The following ABL1 variants were observed in gnomAD, a reference collection of about 807,000 sequenced individuals.
The protein encoded by ABL1 is tyrosine-protein kinase ABL1.
ABL1 carries 11 observed loss-of-function variants against 94.7 expected under a neutral mutation model. The observed-to-expected ratio is 0.12, with a 90% CI of 0.07 to 0.19. ABL1 has a LOEUF of 0.19. Among genes scored for constraint, ABL1 ranks in the 10% least tolerant of loss-of-function variants. ABL1 has a pLI of 1.00. For synonymous variants in ABL1, 656 were observed against 622.4 expected, an observed-to-expected ratio of 1.05 and a Z score of -0.80; for missense variants, 1,082 against 1,489.4, an observed-to-expected ratio of 0.73 and a Z score of 4.50.
At chr9:130,815,092 G>C (rs1310496611) in intron 1 of ABL1, among the ~76,000 whole-genome samples, 1 of 151,902 alleles carries the variant, frequency 6.6e-6, no homozygotes, top group Non-Finnish European at 1.5e-5. Context: ...CCAGCACTTT[G>C]GGAGGCTGAG....
chr9:130,867,126 A>G (rs1487472769), intron 4 of ABL1, among the ~76,000 whole-genome samples: 3 of 152,208 alleles, frequency 2.0e-5, no homozygotes. Context: ...CTAACTGACA[A>G]ATTTACTACT....
chr9:130,756,495 A>T (rs1039270234), intron 1 of ABL1, among the ~76,000 whole-genome samples: 1 of 152,012 alleles, frequency 6.6e-6, no homozygotes, highest in African/African-American at 2.4e-5. Context: ...TGCCTTTTTC[A>T]GCTATTTTTC....
chr9:130,882,951 C>T (rs967085697), intron 10 of ABL1, among the ~76,000 whole-genome samples: 5 of 151,286 alleles, frequency 3.3e-5, no homozygotes, highest in African/African-American at 1.2e-4. Context: ...CCGAGGTCAG[C>T]GAATCACAAG....
intron 1 of ABL1, among the ~76,000 whole-genome samples, chr9:130,818,552 A>G (rs79473717): frequency 0.035 from 5,394 of 152,314 alleles, 303 homozygotes; most frequent in African/African-American, 0.12. Context: ...AGAAATCTTC[A>G]CCTAACTCAA....
chr9:130,796,776 AC>A (rs1829978823), intron 1 of ABL1, among the ~76,000 whole-genome samples: 2 of 151,666 alleles, frequency 1.3e-5, no homozygotes, highest in South Asian at 4.2e-4. Context: ...TAAAAAAAAA[AC>A]AAAAAAACTT....
At chr9:130,731,545 A>G (rs1831667056) in intron 1 of ABL1, among the ~76,000 whole-genome samples, 1 of 152,142 alleles carries the variant, frequency 6.6e-6, no homozygotes, top group African/African-American at 2.4e-5. Flanking sequence ...GTTTAATTGA[A>G]AAGAACATCT....
At position 130,880,024 on chromosome 9, in the gene ABL1, A is replaced by G. The variant is rs763661011; in HGVS notation, c.1424-44A>G. ...TGAGAACTGCTAGCCCCGTATTGCT[A>G]GCCAGATCTCATGGATGATCTGACT... On this transcript the variant is annotated intron_variant, in intron 8 of 10. Coordinates refer to ENST00000318560, the MANE Select transcript of ABL1 (RefSeq NM_005157.6). This position sits in a 1 kb window ranked among gnomAD's most constrained non-coding sequence, Gnocchi z 4.4. The G allele has an allele frequency of 6.4e-7, 1 of 1,567,818 alleles. No homozygotes were observed. The highest frequency in any genetic ancestry group is 8.8e-7 in the Non-Finnish European group (1 of 1,137,788).
intron 1 of ABL1, among the ~76,000 whole-genome samples, chr9:130,766,537 C>G (rs78434516): frequency 2.3e-3 from 346 of 152,264 alleles, no homozygotes; most frequent in African/African-American, 7.7e-3. Context: ...TTTCTTTTGA[C>G]TTAGTGAGTT....
chr9:130,885,264 C>T lies in ABL1; in HGVS notation c.2974C>T (p.Leu992=). 6.2e-7 allele frequency: 1 copy of T among 1,613,890 alleles called. No individual in the cohort carries two copies. The highest frequency in any genetic ancestry group is 8.5e-7 in the Non-Finnish European group (1 of 1,180,040). ...PSTLPSASSA[L]AGDQPSSTAF... ...CACGTTGCCATCAGCATCCTCGGCC[C>T]TGGCAGGGGACCAGCCGTCTTCCAC... The change falls in exon 11 of 11, where the codon CTG becomes TTG. Residue 992 remains leucine, a synonymous_variant. Transcript: ENST00000318560.
At chr9:130,720,379 A>C (rs192662710) in intron 1 of ABL1, among the ~76,000 whole-genome samples, 6 of 152,260 alleles carry the variant, frequency 3.9e-5, no homozygotes, top group African/African-American at 1.4e-4. Context: ...AAGGAGGAAG[A>C]TGAGCAGCAG....
At chr9:130,876,897 C>T (rs992440534) in intron 7 of ABL1, among the ~76,000 whole-genome samples, 2 of 147,084 alleles carry the variant, frequency 1.4e-5, no homozygotes, top group Non-Finnish European at 3.0e-5. Flanking sequence ...CCGCCACACT[C>T]GGCCAATTTT....
chr9:130,878,297 C>T (rs1588279888), intron 7 of ABL1, 118 bp from the exon 8 acceptor site: 1 of 1,222,702 alleles, frequency 8.2e-7, no homozygotes, highest in East Asian at 2.4e-5. Context: ...ATGTCAGAGC[C>T]TGGGCTGCTG....
At chr9:130,736,336 C>T (rs932339095) in intron 1 of ABL1, among the ~76,000 whole-genome samples, 3 of 152,062 alleles carry the variant, frequency 2.0e-5, no homozygotes, top group African/African-American at 2.4e-5. Flanking sequence ...ACAGTCCCAT[C>T]GCTGGTAATA....
intron 1 of ABL1, among the ~76,000 whole-genome samples, chr9:130,765,244 C>G (rs577562648): frequency 6.6e-6 from 1 of 152,226 alleles, no homozygotes; most frequent in South Asian, 2.1e-4. Context: ...ATCAGCTTCT[C>G]AAGGGGTTTT....
At chr9:130,845,640 G>A (rs1047861628) in intron 1 of ABL1, among the ~76,000 whole-genome samples, 7 of 152,076 alleles carry the variant, frequency 4.6e-5, no homozygotes, top group Admixed American at 1.3e-4. Flanking sequence ...ATCATTGTTC[G>A]CACCACTACT....
At position 130,835,260 on chromosome 9, in the gene ABL1, A is replaced by C. The variant is rs1463779076; in HGVS notation, c.-187A>C. 2 of 145,782 alleles carry C rather than the reference A, an allele frequency of 1.4e-5. No individual in the cohort carries two copies. Among genetic ancestry groups the C allele is most frequent in the Admixed American group, 6.9e-5 (1 of 14,492 alleles). The allele number at this position is 145,782 out of a possible 1,614,324, so 9.0% of individuals were successfully genotyped here. ...CGCCCTCTCCGGGCCCTTTGTTAACAGGCGCGTCCCGGCCAGGCGGAGACG... is the reference window on the plus strand; with the variant it reads ...CGCCCTCTCCGGGCCCTTTGTTAACCGGCGCGTCCCGGCCAGGCGGAGACG... On this transcript the variant is annotated 5_prime_UTR_variant, in exon 1 of 11. Coordinates refer to ENST00000318560, the MANE Select transcript of ABL1 (RefSeq NM_005157.6). The surrounding 1 kb of genome is among the most constrained non-coding windows in gnomAD (Gnocchi z 4.6).
At chr9:130,829,319 G>A (rs1018270973) in intron 1 of ABL1, among the ~76,000 whole-genome samples, 1 of 152,160 alleles carries the variant, frequency 6.6e-6, no homozygotes, top group African/African-American at 2.4e-5. Context: ...GCAGCACTTT[G>A]GGAGGCCGAG....
intron 1 of ABL1, among the ~76,000 whole-genome samples, chr9:130,801,657 G>A (rs950130584): frequency 3.9e-5 from 6 of 152,112 alleles, no homozygotes; most frequent in Admixed American, 3.3e-4. Context: ...TTTGGTATTG[G>A]TTTTAGTTTT....
intron 1 of ABL1, among the ~76,000 whole-genome samples, chr9:130,763,772 T>C (rs1223481496): frequency 6.6e-6 from 1 of 152,220 alleles, no homozygotes; most frequent in African/African-American, 2.4e-5. Flanking sequence ...TAATCACAGA[T>C]GCTACCCTGC....
Sources: allele counts gnomAD v4.1 joint callset (sites outside exome capture counted in the v4.1 genomes callset), GRCh38; gene constraint gnomAD v4.1.1; non-coding constraint Gnocchi (gnomAD v3.1); transcripts MANE v1.5; gene names NCBI Gene and HGNC (gene_info 2026-07-23, HGNC 2026-07-21).